DNAJC12: variants seen among roughly 807,000 people sequenced by gnomAD.
DNAJC12 encodes the protein dnaJ homolog subfamily C member 12.
A neutral mutation model predicts 28.5 loss-of-function variants in DNAJC12; 25 were observed. The observed-to-expected ratio is 0.88, with a 90% confidence interval of 0.64 to 1.22. DNAJC12 has a LOEUF of 1.22. Ranked by LOEUF, DNAJC12 falls within the 50% of genes most tolerant of loss-of-function variation. The pLI, the probability that DNAJC12 is intolerant of heterozygous loss-of-function variation, is 0.00. For missense variants in DNAJC12, 222 were observed against 231.7 expected (o/e 0.96, Z 0.27); for synonymous variants, 77 against 80.6 (o/e 0.95, Z 0.24).
At chr10:67,826,944 A>T (rs1292828459) in intron 1 of DNAJC12, among the ~76,000 whole-genome samples, 6 of 136,502 alleles carry the variant, frequency 4.4e-5, no homozygotes, top group African/African-American at 5.2e-5. Flanking sequence ...GATATATATA[A>T]TATATATCAT....
At chr10:67,834,415 C>G (rs529490122) in intron 1 of DNAJC12, among the ~76,000 whole-genome samples, 2 of 152,306 alleles carry the variant, frequency 1.3e-5, no homozygotes, top group Admixed American at 1.3e-4. Context: ...ACAACCACAA[C>G]CACCACAACT....
chr10:67,820,031 A>G (rs897705906), intron 2 of DNAJC12, among the ~76,000 whole-genome samples: 2 of 152,204 alleles, frequency 1.3e-5, no homozygotes, highest in African/African-American at 4.8e-5. Flanking sequence ...GATGGGACAC[A>G]TGGGACTTCC....
At chr10:67,817,687 G>C (rs1259605034) in intron 2 of DNAJC12, among the ~76,000 whole-genome samples, 1 of 146,140 alleles carries the variant, frequency 6.8e-6, no homozygotes, top group Non-Finnish European at 1.5e-5. Flanking sequence ...GACCATCCTG[G>C]CCAACATGGT....
At chr10:67,819,749 A>AGGGAGG (rs1841961128) in intron 2 of DNAJC12, among the ~76,000 whole-genome samples, 1 of 24,578 alleles carries the variant, frequency 4.1e-5, no homozygotes, top group African/African-American at 1.7e-4. Context: ...GAAGGAAGGA[A>AGGGAGG]GGAAGGAAGG....
intron 2 of DNAJC12, among the ~76,000 whole-genome samples, chr10:67,812,969 C>G (rs1275820132): frequency 6.6e-6 from 1 of 152,108 alleles, no homozygotes; most frequent in African/African-American, 2.4e-5. Flanking sequence ...TTACAGTGAG[C>G]CGAGTTTGCA....
intron 2 of DNAJC12, among the ~76,000 whole-genome samples, chr10:67,819,660 G>GAAAGAGAAAGAAAGAAAGAAAGAAAGAA (rs1280370710): frequency 2.9e-5 from 1 of 34,942 alleles, no homozygotes; most frequent in African/African-American, 1.3e-4. Flanking sequence ...AAGAAAGAAA[G>GAAAGAGAAAGAAAGAAAGAAAGAAAGAA]AGAAAGAAAG....
Position 67,838,107 on chromosome 10 carries a change from G to T in DNAJC12, c.-96C>A. On this transcript the variant is annotated 5_prime_UTR_variant, in exon 1 of 5. It adds an upstream start codon to the 5' untranslated region. Transcript: ENST00000225171. ...AACTCTTTAAATCTGAATTAGAGCAGCATGTTCCACATAGCAAAAACTAGC... is the reference window on the plus strand; with the variant it reads ...AACTCTTTAAATCTGAATTAGAGCATCATGTTCCACATAGCAAAAACTAGC... 1 of 796,194 alleles carries T rather than the reference G, an allele frequency of 1.3e-6. No individual in the cohort carries two copies. The highest frequency in any genetic ancestry group is 2.0e-6 in the Non-Finnish European group (1 of 494,326). 49.3% of individuals were successfully genotyped at this position (796,194 alleles called of 1,614,324 possible).
chr10:67,802,531 T>A (rs985775659), intron 4 of DNAJC12, among the ~76,000 whole-genome samples: 1 of 152,194 alleles, frequency 6.6e-6, no homozygotes, highest in Non-Finnish European at 1.5e-5. Context: ...ACCCCCAACA[T>A]TTTATTTGTT....
intron 4 of DNAJC12, among the ~76,000 whole-genome samples, chr10:67,799,673 G>A (rs1171667165): frequency 2.0e-5 from 3 of 151,818 alleles, no homozygotes; most frequent in Non-Finnish European, 4.4e-5. Flanking sequence ...TCACAAGGTT[G>A]GGAATTCGAG....
rs757186291 is a variant in DNAJC12 at position 67,797,166 on chromosome 10, T to C, written c.547A>G (p.Lys183Glu). The change falls in exon 5 of 5, where the codon AAG (lysine) becomes GAG (glutamate). Residue 183 changes from lysine to glutamate, a missense_variant. By Grantham distance (56) the Lys-to-Glu change is moderately conservative. Coordinates refer to ENST00000225171, the MANE Select transcript of DNAJC12 (RefSeq NM_021800.3). ...NGWHLRFRWSKDAPSELLRKF... is the reference protein window; with the variant it reads ...NGWHLRFRWSEDAPSELLRKF... The stretch of plus-strand genomic sequence containing the variant: ...CTCAGGAGTTCTGAGGGAGCATCCT[T>C]GGACCAGCGGAAACGAAGGTGCCAA... 9 of 1,613,898 alleles carry C rather than the reference T, an allele frequency of 5.6e-6. No individual in the cohort carries two copies. Among genetic ancestry groups the C allele is most frequent in the Middle Eastern group, 1.7e-4 (1 of 6,058 alleles).
In DNAJC12 at chr10:67,805,289, TA is replaced by T. The variant is rs577381319; in HGVS notation, c.502+293del. On this transcript the variant is annotated intron_variant, in intron 4 of 4. Coordinates refer to ENST00000225171, the MANE Select transcript of DNAJC12 (RefSeq NM_021800.3). Reference sequence around the variant, plus strand: ...TATATAAAATTAATATTAAATGAGATAATAAATGTAAACTAATATATGTAAA... The same window carrying T: ...TATATAAAATTAATATTAAATGAGATATAAATGTAAACTAATATATGTAAA... 3.0e-3 allele frequency among the ~76,000 whole-genome samples: 454 copies of T among 152,246 alleles called. 3 individuals carry two copies. The highest frequency in any genetic ancestry group is 0.011 in the African/African-American group (439 of 41,558).
At chr10:67,803,270 TGAAAAGCTGAGCCCACA>T (rs1184072664) in intron 4 of DNAJC12, among the ~76,000 whole-genome samples, 1 of 152,166 alleles carries the variant, frequency 6.6e-6, no homozygotes, top group Admixed American at 6.5e-5. Flanking sequence ...AACTCATCAG[TGAAAAGCTGAGCCCACA>T]TTCTTAACCA....
At chr10:67,816,311 G>C (rs186150663) in intron 2 of DNAJC12, among the ~76,000 whole-genome samples, 1 of 151,886 alleles carries the variant, frequency 6.6e-6, no homozygotes, top group Non-Finnish European at 1.5e-5. Flanking sequence ...TTCTCTATCA[G>C]GGAAAGATAA....
intron 1 of DNAJC12, among the ~76,000 whole-genome samples, chr10:67,835,797 A>G (rs983085240): frequency 2.0e-5 from 3 of 152,174 alleles, no homozygotes; most frequent in East Asian, 1.9e-4. Context: ...ATTAAAAATA[A>G]ATAATTGTTA....
chr10:67,805,675 T>A lies in DNAJC12; in HGVS notation c.410A>T (p.Lys137Ile). ...EECNEQRERKKEELASTAEKT... is the reference protein window; with the variant it reads ...EECNEQRERKIEELASTAEKT... ...CTCTGCGGTTGAAGCCAGCTCCTCT[T>A]TCTTTCTTTCTCTTTGCTCATTACA... Residue 137 changes from lysine (K) to isoleucine (I), a missense_variant, in exon 4 of 5, where the codon AAA becomes ATA. Physicochemically the swap from Lys to Ile is moderately radical, Grantham distance 102. Transcript: ENST00000225171. 3 of 1,612,706 alleles carry A rather than the reference T, an allele frequency of 1.9e-6. No homozygotes were observed. Among genetic ancestry groups the A allele is most frequent in the Non-Finnish European group, 2.5e-6 (3 of 1,179,360 alleles).
intron 3 of DNAJC12, chr10:67,811,288 A>G: frequency 5.2e-6 from 7 of 1,343,770 alleles, no homozygotes; most frequent in Non-Finnish European, 6.7e-6. Context: ...ACTGAAACAA[A>G]CAGCCAAAGA....
intron 1 of DNAJC12, among the ~76,000 whole-genome samples, chr10:67,834,280 A>AACAGAGTTGT (rs1391150882): frequency 6.6e-6 from 1 of 152,182 alleles, no homozygotes; most frequent in East Asian, 1.9e-4. Context: ...CTATTTTTAC[A>AACAGAGTTGT]ACTTTTCTGT....
In DNAJC12 at chr10:67,799,878, C is replaced by CAAAAAAA. The variant is rs56055620; in HGVS notation, c.503-2675_503-2669dup. On this transcript the variant is annotated intron_variant, in intron 4 of 4. Transcript: ENST00000225171. ...AGCCTGGGCGACAGAGCGAGACTGTCAAAAAAAAAAAAATGTAGTTTCTAG... is the reference window on the plus strand; with the variant it reads ...AGCCTGGGCGACAGAGCGAGACTGTCAAAAAAAAAAAAAAAAAAAATGTAGTTTCTAG... Among the ~76,000 whole-genome samples, 17 of 128,338 alleles carry CAAAAAAA rather than the reference C, an allele frequency of 1.3e-4. 1 individual carries two copies. The highest frequency in any genetic ancestry group is 5.3e-4 in the South Asian group (2 of 3,756). 84.2% of individuals were successfully genotyped at this position (128,338 alleles called of 152,430 possible). A position where few individuals can be genotyped will look rare whatever the true frequency, so the allele number is the denominator to read the frequency against.
chr10:67,815,451 T>C (rs1315916395), intron 2 of DNAJC12, among the ~76,000 whole-genome samples: 1 of 136,016 alleles, frequency 7.4e-6, no homozygotes, highest in Non-Finnish European at 1.5e-5. Flanking sequence ...GAGGTTTCGG[T>C]GAGCCGTGAT....
Sources: gnomAD v4.1 joint callset for allele counts (sites outside exome capture counted in the v4.1 genomes callset) on GRCh38, gnomAD v4.1.1 for gene constraint, MANE v1.5 for transcripts, NCBI Gene and HGNC (gene_info 2026-07-23, HGNC 2026-07-21) for gene names.